CCDC7: variants seen among roughly 807,000 people sequenced by gnomAD.
CCDC7 encodes coiled-coil domain-containing protein 7.
Under a neutral mutation model 196.9 loss-of-function variants are expected in CCDC7, and 183 were observed. The observed-to-expected ratio is 0.93, with a 90% CI of 0.82 to 1.05. CCDC7 has a LOEUF of 1.05. Ranked by LOEUF, CCDC7 falls within the 50% of genes least tolerant of loss-of-function variation. The probability of loss-of-function intolerance (pLI) is 0.00; values close to 1 mark genes in which losing one functional copy is unlikely to be tolerated. For synonymous variants in CCDC7, 525 were observed against 484.6 expected (o/e 1.08, Z -1.10); for missense variants, 1,540 against 1,482.2 (o/e 1.04, Z -0.64).
At chr10:32,694,920 C>A (rs556688742) in exon 24 of CCDC7, 1 of 1,603,988 alleles carries the variant, frequency 6.2e-7, no homozygotes, top group Admixed American at 1.7e-5. Flanking sequence ...GCTTGAACAT[C>A]AAGATTCAGT....
At chr10:32,845,517 T>C (rs371131356) in intron 34 of CCDC7, 26 bp from the exon 36 acceptor site, 6 of 1,542,412 alleles carry the variant, frequency 3.9e-6, no homozygotes. Context: ...TTACAAAATA[T>C]ACTGAAATCT....
chr10:32,719,092 G>C (rs534757149), intron 25 of CCDC7, among the ~76,000 whole-genome samples: 1 of 152,108 alleles, frequency 6.6e-6, no homozygotes, highest in Non-Finnish European at 1.5e-5. Flanking sequence ...AAAGAACAAA[G>C]CTGGAGGCAT....
At chr10:32,685,895 T>C in intron 21 of CCDC7, 75 bp from the exon 23 acceptor site, 13 of 830,556 alleles carry the variant, frequency 1.6e-5, no homozygotes, top group Non-Finnish European at 2.5e-5. Context: ...AAATGTTTTA[T>C]AAATTTGAAA....
chr10:32,686,271 G>A (rs1460840104), intron 22 of CCDC7, among the ~76,000 whole-genome samples, 191 bp downstream of exon 23: 1 of 152,194 alleles, frequency 6.6e-6, no homozygotes, highest in African/African-American at 2.4e-5. Context: ...TGTTGTAACG[G>A]TATTTTGTAG....
At chr10:32,557,898 G>A (rs941141126) in intron 13 of CCDC7, among the ~76,000 whole-genome samples, 105 of 152,194 alleles carry the variant, frequency 6.9e-4, no homozygotes, top group African/African-American at 2.4e-3. Flanking sequence ...TTGCTATGTT[G>A]CCCAGGCTGG....
At chr10:32,469,520 G>A (rs1450284395) in intron 5 of CCDC7, among the ~76,000 whole-genome samples, 3 of 152,330 alleles carry the variant, frequency 2.0e-5, no homozygotes, top group South Asian at 4.1e-4. Context: ...GTACACTTAG[G>A]AATCTGCCCT....
intron 31 of CCDC7, 66 bp from the exon 33 acceptor site, chr10:32,824,452 C>G (rs1438751744): frequency 1.0e-6 from 1 of 964,198 alleles, no homozygotes; most frequent in East Asian, 2.4e-5. Context: ...GTATTAGACA[C>G]ATGCACACAC....
chr10:32,857,420 A>C (rs925813109), intron 41 of CCDC7, among the ~76,000 whole-genome samples: 1 of 152,212 alleles, frequency 6.6e-6, no homozygotes, highest in Non-Finnish European at 1.5e-5. Flanking sequence ...TTAAGAATAT[A>C]CCTAATACTA....
At chr10:32,590,926 C>T (rs1016933033) in intron 18 of CCDC7, among the ~76,000 whole-genome samples, 5 of 151,970 alleles carry the variant, frequency 3.3e-5, no homozygotes, top group African/African-American at 4.8e-5. Flanking sequence ...TTATCCTTGA[C>T]CTTTGGGAGT....
intron 20 of CCDC7, among the ~76,000 whole-genome samples, chr10:32,641,200 C>T (rs2066736262): frequency 2.0e-5 from 3 of 152,112 alleles, no homozygotes. Flanking sequence ...TGTTGGCCTG[C>T]CTTGCTAGAT....
intron 11 of CCDC7, among the ~76,000 whole-genome samples, chr10:32,528,723 CGT>C (rs2049117122): frequency 1.4e-5 from 2 of 140,148 alleles, no homozygotes; most frequent in Non-Finnish European, 3.1e-5. Flanking sequence ...TACATATATA[CGT>C]ATTTACGTAT....
At chr10:32,472,011 A>G (rs941720933) in intron 6 of CCDC7, among the ~76,000 whole-genome samples, 2 of 152,206 alleles carry the variant, frequency 1.3e-5, no homozygotes, top group African/African-American at 4.8e-5. Context: ...AGGTACTATT[A>G]TACCCCAATT....
At chr10:32,740,669 G>T (rs2085675509) in intron 28 of CCDC7, among the ~76,000 whole-genome samples, 1 of 152,160 alleles carries the variant, frequency 6.6e-6, no homozygotes, top group South Asian at 2.1e-4. Context: ...TAATTGAAAA[G>T]ATTCCAGCAG....
chr10:32,488,186 G>A (rs1390093371), intron 8 of CCDC7, among the ~76,000 whole-genome samples: 2 of 152,196 alleles, frequency 1.3e-5, no homozygotes, highest in African/African-American at 4.8e-5. Flanking sequence ...CGGCAATGGC[G>A]GGCGCCCCTC....
intron 31 of CCDC7, among the ~76,000 whole-genome samples, chr10:32,823,526 A>G (rs1319772711): frequency 6.6e-6 from 1 of 152,144 alleles, no homozygotes; most frequent in African/African-American, 2.4e-5. Flanking sequence ...TGCCATGATA[A>G]TAGTGCAAAT....
At chr10:32,554,152 C>A (rs562427619) in intron 13 of CCDC7, among the ~76,000 whole-genome samples, 1 of 152,176 alleles carries the variant, frequency 6.6e-6, no homozygotes, top group East Asian at 1.9e-4. Context: ...ATGAAGGGCC[C>A]GTGTTGCTCC....
Position 32,565,544 on chromosome 10 carries a change from T to C in CCDC7, c.1135-14T>C. The stretch of plus-strand genomic sequence containing the variant: ...CCAAAGTAAATACCTTTTTTCCCCC[T>C]TCTTACTTCCTAGAAAGTAGCACGT... On this transcript the variant is annotated splice_polypyrimidine_tract_variant and intron_variant, in intron 13 of 41. Transcript: ENST00000639629. The C allele has an allele frequency of 6.2e-7, 1 of 1,607,362 alleles. No homozygotes were observed. Among genetic ancestry groups the C allele is most frequent in the Non-Finnish European group, 8.5e-7 (1 of 1,176,888 alleles).
chr10:32,514,806 A>G (rs2046774247), intron 9 of CCDC7, among the ~76,000 whole-genome samples: 1 of 152,190 alleles, frequency 6.6e-6, no homozygotes, highest in Non-Finnish European at 1.5e-5. Flanking sequence ...TCATCTTCAT[A>G]GACTGTTAAA....
At chr10:32,738,575 A>G (rs1234533574) in intron 28 of CCDC7, among the ~76,000 whole-genome samples, 2 of 148,388 alleles carry the variant, frequency 1.3e-5, no homozygotes, top group South Asian at 2.2e-4. Context: ...CCTGGGCTCA[A>G]GTGATCTTCC....
Sources: gnomAD v4.1 joint callset for allele counts (sites outside exome capture counted in the v4.1 genomes callset) on GRCh38, gnomAD v4.1.1 for gene constraint, MANE v1.5 for transcripts, NCBI Gene and HGNC (gene_info 2026-07-23, HGNC 2026-07-21) for gene names.